Variants in NRXN1 observed in about 807,000 individuals in gnomAD.
The protein encoded by NRXN1 is neurexin 1, also known as neurexin-1.
Under a neutral mutation model 150.9 loss-of-function variants are expected in NRXN1, and 39 were observed. The ratio of observed to expected loss-of-function variants is 0.26; its 90% CI spans 0.20 to 0.34. NRXN1 has a LOEUF of 0.34. NRXN1 is among the 10% of genes least tolerant of loss of function. NRXN1 has a pLI of 1.00. For synonymous variants in NRXN1, 924 were observed against 757.0 expected (o/e 1.22, Z -3.62); for missense variants, 1,815 against 1,949.9 (o/e 0.93, Z 1.30).
intron 5 of NRXN1, among the ~76,000 whole-genome samples, chr2:50,640,186 T>A (rs1236366626): frequency 6.6e-6 from 1 of 152,270 alleles, no homozygotes; most frequent in Middle Eastern, 3.4e-3. Flanking sequence ...CTTTTAATTA[T>A]CACCATAAGA....
chr2:50,053,236 G>A (rs1449697375), intron 21 of NRXN1, 35 bp downstream of exon 21: 2 of 1,602,286 alleles, frequency 1.2e-6, no homozygotes. Context: ...AAATAATATA[G>A]GATGAAAATG....
intron 17 of NRXN1, among the ~76,000 whole-genome samples, chr2:50,340,679 T>C (rs1237753647): frequency 6.6e-6 from 1 of 151,936 alleles, no homozygotes; most frequent in Middle Eastern, 3.2e-3. Context: ...AAACTTAGAA[T>C]TGGAAATGAT....
intron 8 of NRXN1, among the ~76,000 whole-genome samples, chr2:50,570,066 C>A (rs1389300930): frequency 6.6e-6 from 1 of 151,880 alleles, no homozygotes; most frequent in Non-Finnish European, 1.5e-5. Context: ...AATTAAAGAG[C>A]AAAAAATAAA....
At chr2:50,821,565 A>C (rs1669728265) in intron 5 of NRXN1, among the ~76,000 whole-genome samples, 1 of 152,206 alleles carries the variant, frequency 6.6e-6, no homozygotes, top group Admixed American at 6.5e-5. Context: ...TTGACATAGA[A>C]TAAGCACCAT....
At chr2:50,391,312 A>C (rs957453313) in intron 17 of NRXN1, among the ~76,000 whole-genome samples, 1 of 152,120 alleles carries the variant, frequency 6.6e-6, no homozygotes, top group African/African-American at 2.4e-5. Context: ...CTGTGCATTA[A>C]TATGGAATGG....
intron 5 of NRXN1, among the ~76,000 whole-genome samples, chr2:50,910,072 G>T (rs1684309128): frequency 6.6e-6 from 1 of 151,428 alleles, no homozygotes; most frequent in Admixed American, 6.6e-5. Flanking sequence ...CAAAAAAAAT[G>T]TATCACAAAA....
intron 17 of NRXN1, among the ~76,000 whole-genome samples, chr2:50,241,786 T>A (rs949433008): frequency 6.6e-6 from 1 of 151,818 alleles, no homozygotes; most frequent in African/African-American, 2.4e-5. Flanking sequence ...CTCTCCCTTC[T>A]TGTTCTTTCT....
At chr2:50,739,688 T>G (rs745481117) in intron 5 of NRXN1, among the ~76,000 whole-genome samples, 2 of 152,202 alleles carry the variant, frequency 1.3e-5, no homozygotes, top group Non-Finnish European at 2.9e-5. Flanking sequence ...TTTTCCTAAA[T>G]GCACATAGCA....
intron 5 of NRXN1, among the ~76,000 whole-genome samples, chr2:50,775,342 A>C (rs556708087): frequency 6.6e-6 from 1 of 152,258 alleles, no homozygotes; most frequent in African/African-American, 2.4e-5. Context: ...CTTCTGTGCC[A>C]TTCTAACAAT....
Position 50,054,197 on chromosome 2 carries a change from A to G in NRXN1, c.3809-607T>C, listed in dbSNP as rs1693237625. Among the ~76,000 whole-genome samples, 2 of 152,102 alleles carry G rather than the reference A, an allele frequency of 1.3e-5. 1 individual carries two copies. Among genetic ancestry groups the G allele is most frequent in the South Asian group, 4.1e-4 (2 of 4,822 alleles). ...ATGTCAGAGACAAAAAAATTCCAAAAATATTTTTCTGATTGGCTTTCAGCA... is the reference window on the plus strand; with the variant it reads ...ATGTCAGAGACAAAAAAATTCCAAAGATATTTTTCTGATTGGCTTTCAGCA... On this transcript the variant is annotated intron_variant, in intron 20 of 22. Coordinates refer to ENST00000401669, the MANE Select transcript of NRXN1 (RefSeq NM_001330078.2).
intron 18 of NRXN1, among the ~76,000 whole-genome samples, chr2:50,153,375 T>C (rs2058810369): frequency 6.6e-6 from 1 of 151,508 alleles, no homozygotes; most frequent in African/African-American, 2.4e-5. Context: ...TCATACTTTT[T>C]CCCAATTCTT....
At chr2:50,551,177 A>T (rs1163505002) in intron 9 of NRXN1, 1 of 152,378 alleles carries the variant, frequency 6.6e-6, no homozygotes, top group African/African-American at 2.4e-5. Context: ...TCTTTAGGAA[A>T]GTGAGAATAT....
In NRXN1 at chr2:51,021,551, C is replaced by CATAT. The variant is rs67059107; in HGVS notation, c.772+5947_772+5950dup. ...ACTGAACATATCAGTGACATGTATA[C>CATAT]ATATATATATATATACACAATTTTA... On this transcript the variant is annotated intron_variant, in intron 2 of 22. Coordinates refer to ENST00000401669, the MANE Select transcript of NRXN1 (RefSeq NM_001330078.2). Among the ~76,000 whole-genome samples, 223 of 150,318 alleles carry CATAT rather than the reference C, an allele frequency of 1.5e-3. 1 individual carries two copies. Among genetic ancestry groups the CATAT allele is most frequent in the Non-Finnish European group, 2.2e-3 (147 of 67,416 alleles).
intron 12 of NRXN1, among the ~76,000 whole-genome samples, chr2:50,516,750 C>T (rs1050781376): frequency 1.1e-4 from 6 of 52,414 alleles, no homozygotes; most frequent in Non-Finnish European, 1.9e-4. Flanking sequence ...TAAAGAGATG[C>T]TTGCCTCCTT....
At chr2:50,941,113 C>G (rs1470882842) in intron 2 of NRXN1, among the ~76,000 whole-genome samples, 1 of 152,088 alleles carries the variant, frequency 6.6e-6, no homozygotes, top group Non-Finnish European at 1.5e-5. Context: ...TTCCTGCTCT[C>G]TCTCTCTTCT....
intron 5 of NRXN1, among the ~76,000 whole-genome samples, chr2:50,812,748 ATGTG>A (rs1491294358): frequency 7.1e-6 from 1 of 141,452 alleles, no homozygotes; most frequent in African/African-American, 2.5e-5. Context: ...GTGTGAGCGC[ATGTG>A]TGTGTGTGTG....
chr2:50,441,063 T>G (rs2085907641), intron 17 of NRXN1, among the ~76,000 whole-genome samples: 1 of 152,214 alleles, frequency 6.6e-6, no homozygotes, highest in African/African-American at 2.4e-5. Flanking sequence ...ATCAAATTTC[T>G]AGAACTTCTG....
intron 18 of NRXN1, among the ~76,000 whole-genome samples, chr2:50,183,215 A>G (rs2060847344): frequency 6.6e-6 from 1 of 152,096 alleles, no homozygotes; most frequent in African/African-American, 2.4e-5. Flanking sequence ...ACAACACTGA[A>G]TATTTGTCAG....
intron 21 of NRXN1, among the ~76,000 whole-genome samples, chr2:50,048,245 T>C (rs1056042482): frequency 2.6e-5 from 4 of 152,172 alleles, no homozygotes; most frequent in African/African-American, 9.6e-5. Context: ...AGTGTTTTTC[T>C]TTGAAATATG....
Sources: allele counts gnomAD v4.1 joint callset (sites outside exome capture counted in the v4.1 genomes callset), GRCh38; gene constraint gnomAD v4.1.1; transcripts MANE v1.5; gene names NCBI Gene and HGNC (gene_info 2026-07-23, HGNC 2026-07-21).